PPARGC1A: variants seen among roughly 807,000 people sequenced by gnomAD.
PPARGC1A encodes the protein peroxisome proliferator-activated receptor gamma coactivator 1-alpha.
In PPARGC1A, 25 loss-of-function variants were observed where a neutral mutation model predicts 88.7. The ratio of observed to expected loss-of-function variants is 0.28; its 90% CI spans 0.21 to 0.39. The LOEUF (loss-of-function observed/expected upper bound fraction) is 0.39. Ranked by LOEUF, PPARGC1A falls within the 10% of genes least tolerant of loss-of-function variation. The probability of loss-of-function intolerance (pLI) is 1.00; values close to 1 mark genes in which losing one functional copy is unlikely to be tolerated. For synonymous variants in PPARGC1A, 363 were observed against 355.6 expected (o/e 1.02, Z -0.24); for missense variants, 880 against 968.7 (o/e 0.91, Z 1.22).
chr4:23,814,661 A>C, intron 7 of PPARGC1A, 56 bp from the exon 8 acceptor site: 4 of 1,406,316 alleles, frequency 2.8e-6, no homozygotes, highest in Non-Finnish European at 3.8e-6. Flanking sequence ...AGAGACAGAG[A>C]TAATGTTCTT....
chr4:23,990,225 T>C, the PPARGC1A span, among the ~76,000 whole-genome samples: 1 of 149,984 alleles, frequency 6.7e-6, no homozygotes, highest in South Asian at 2.1e-4. Flanking sequence ...TATATGATAA[T>C]GGATAATAAT....
chr4:24,065,176 A>C, the PPARGC1A span, among the ~76,000 whole-genome samples: 1 of 152,152 alleles, frequency 6.6e-6, no homozygotes, highest in East Asian at 1.9e-4. Flanking sequence ...GAAGAGACCC[A>C]ATCGCGTAGA....
At chr4:24,351,565 A>G in the PPARGC1A span, among the ~76,000 whole-genome samples, 1 of 152,204 alleles carries the variant, frequency 6.6e-6, no homozygotes, top group Non-Finnish European at 1.5e-5. Context: ...CTTATAAAAA[A>G]AATCACAATG....
At chr4:24,265,839 C>A in the PPARGC1A span, among the ~76,000 whole-genome samples, 1 of 148,008 alleles carries the variant, frequency 6.8e-6, no homozygotes, top group Non-Finnish European at 1.5e-5. Context: ...TTCTAGGAGG[C>A]AAAAGAATAG....
the PPARGC1A span, among the ~76,000 whole-genome samples, chr4:24,345,902 C>T: frequency 3.3e-5 from 5 of 152,092 alleles, no homozygotes; most frequent in African/African-American, 9.7e-5. Flanking sequence ...TTCAGTATTA[C>T]GGTGGCTGTG....
chr4:24,140,983 C>T, the PPARGC1A span, among the ~76,000 whole-genome samples: 1 of 152,174 alleles, frequency 6.6e-6, no homozygotes, highest in East Asian at 1.9e-4. Context: ...TAAACCGTCT[C>T]AAATAGTTCT....
chr4:24,459,748 G>A, the PPARGC1A span, among the ~76,000 whole-genome samples: 5 of 152,150 alleles, frequency 3.3e-5, no homozygotes, highest in South Asian at 4.1e-4. Context: ...CCAAGATTGC[G>A]CCGCTGAAAT....
chr4:24,122,353 C>G, the PPARGC1A span, among the ~76,000 whole-genome samples: 3 of 149,492 alleles, frequency 2.0e-5, no homozygotes, highest in African/African-American at 7.4e-5. Flanking sequence ...CTTAGCCTCT[C>G]TGTGAGTGTA....
chr4:23,935,785 C>T, the PPARGC1A span, among the ~76,000 whole-genome samples: 1 of 152,098 alleles, frequency 6.6e-6, no homozygotes, highest in African/African-American at 2.4e-5. Flanking sequence ...AGTCAGGATT[C>T]AAACTCAGTG....
At chr4:24,038,193 A>G in the PPARGC1A span, among the ~76,000 whole-genome samples, 3 of 152,296 alleles carry the variant, frequency 2.0e-5, no homozygotes, top group Non-Finnish European at 1.5e-5. Context: ...AGAGCAAAAT[A>G]ACATAAAGTG....
chr4:24,078,292 C>T, the PPARGC1A span, among the ~76,000 whole-genome samples: 30 of 152,148 alleles, frequency 2.0e-4, no homozygotes, highest in African/African-American at 7.2e-4. Flanking sequence ...TCATGAGAGG[C>T]CTTTTTTGGA....
chr4:24,173,292 A>G, the PPARGC1A span, among the ~76,000 whole-genome samples: 5 of 151,904 alleles, frequency 3.3e-5, no homozygotes, highest in Non-Finnish European at 7.4e-5. Flanking sequence ...AAAAAGCAAA[A>G]TAGCAGTGGC....
chr4:23,820,114 T>C (rs1205176264), intron 7 of PPARGC1A, among the ~76,000 whole-genome samples: 1 of 152,188 alleles, frequency 6.6e-6, no homozygotes, highest in African/African-American at 2.4e-5. Flanking sequence ...ATGAGTATTT[T>C]GTTGTTGTTT....
chr4:24,437,654 T>C, the PPARGC1A span, among the ~76,000 whole-genome samples: 1 of 150,820 alleles, frequency 6.6e-6, no homozygotes, highest in African/African-American at 2.4e-5. Context: ...TTTGGTTTTT[T>C]GGGGGTTTTT....
In PPARGC1A at chr4:23,857,138, G is replaced by A. The variant is rs1022533920; in HGVS notation, c.235-25387C>T. 4.6e-5 allele frequency among the ~76,000 whole-genome samples: 7 copies of A among 151,892 alleles called. No homozygotes were observed. In the South Asian group the frequency reaches 6.2e-4, roughly 14 times the overall value. The stretch of plus-strand genomic sequence containing the variant: ...AATACATGTAATTATAGAAGGTAAT[G>A]TAACAGGTCTCTCCATATTCCCAGA... On this transcript the variant is annotated intron_variant, in intron 2 of 12. Coordinates refer to ENST00000264867, the MANE Select transcript of PPARGC1A (RefSeq NM_013261.5).
chr4:24,076,448 A>G, the PPARGC1A span, among the ~76,000 whole-genome samples: 4 of 152,164 alleles, frequency 2.6e-5, no homozygotes, highest in Admixed American at 2.6e-4. Context: ...GAATACAATA[A>G]AAATCACTGA....
At chr4:23,974,594 C>A in the PPARGC1A span, among the ~76,000 whole-genome samples, 1 of 151,852 alleles carries the variant, frequency 6.6e-6, no homozygotes, top group Non-Finnish European at 1.5e-5. Context: ...GCTGCAAAGG[C>A]TGGCTTGCAC....
intron 7 of PPARGC1A, chr4:23,820,728 A>C: frequency 1.0e-5 from 3 of 293,192 alleles, no homozygotes; most frequent in South Asian, 8.5e-5. Flanking sequence ...TACCTAATAA[A>C]GCAAACTTCC....
the PPARGC1A span, among the ~76,000 whole-genome samples, chr4:24,321,329 A>G: frequency 6.6e-6 from 1 of 152,180 alleles, no homozygotes; most frequent in Non-Finnish European, 1.5e-5. Flanking sequence ...TAACACACCC[A>G]AAGGCCTGCG....
Sources: gnomAD v4.1 joint callset for allele counts (sites outside exome capture counted in the v4.1 genomes callset) on GRCh38, gnomAD v4.1.1 for gene constraint, MANE v1.5 for transcripts, NCBI Gene and HGNC (gene_info 2026-07-23, HGNC 2026-07-21) for gene names.